Variants in ANO10 observed in about 807,000 individuals in gnomAD.
The protein encoded by ANO10 is anoctamin-10.
In ANO10, 77 loss-of-function variants were observed where a neutral mutation model predicts 74.7. That is an observed-to-expected ratio of 1.03 (90% CI 0.86 to 1.25). The LOEUF is 1.25. ANO10 is among the 50% of genes most tolerant of loss of function. ANO10 has a pLI of 0.00. For missense variants in ANO10, 721 were observed against 778.1 expected (o/e 0.93, Z 0.87); for synonymous variants, 279 against 284.9 (o/e 0.98, Z 0.21).
intron 1 of ANO10, among the ~76,000 whole-genome samples, chr3:43,667,252 A>G (rs919372670): frequency 6.6e-6 from 1 of 151,570 alleles, no homozygotes; most frequent in Non-Finnish European, 1.5e-5. Context: ...CACCATGCCC[A>G]GCTAATTTTT....
chr3:43,638,606 A>C (rs2083637384), intron 1 of ANO10: 4 of 152,236 alleles, frequency 2.6e-5, no homozygotes, highest in Non-Finnish European at 5.9e-5. Flanking sequence ...GCCAGAGAGC[A>C]GCTAGAGGTT....
chr3:43,591,262 G>A (rs551587689), intron 4 of ANO10, among the ~76,000 whole-genome samples: 8 of 152,286 alleles, frequency 5.3e-5, no homozygotes, highest in Admixed American at 1.3e-4. Context: ...CAGGGTGTCC[G>A]CTGCGCTTCT....
chr3:43,492,576 A>G (rs185935852), intron 11 of ANO10, among the ~76,000 whole-genome samples: 69 of 152,344 alleles, frequency 4.5e-4, no homozygotes, highest in Admixed American at 3.7e-3. Context: ...TCTACAAAGA[A>G]CTTAAATTTA....
intron 4 of ANO10, among the ~76,000 whole-genome samples, chr3:43,591,731 G>T (rs906392884): frequency 4.6e-5 from 7 of 152,200 alleles, no homozygotes; most frequent in African/African-American, 1.7e-4. Context: ...TCATCTCACT[G>T]GGGCTCGTTG....
intron 11 of ANO10, among the ~76,000 whole-genome samples, chr3:43,455,036 G>C (rs1237414067): frequency 6.6e-6 from 1 of 152,154 alleles, no homozygotes; most frequent in Non-Finnish European, 1.5e-5. Flanking sequence ...TGTCCCTCAT[G>C]GGGCGCAGAT....
At chr3:43,489,118 A>G (rs2076616921) in intron 11 of ANO10, among the ~76,000 whole-genome samples, 1 of 145,436 alleles carries the variant, frequency 6.9e-6, no homozygotes, top group African/African-American at 2.5e-5. Flanking sequence ...GGAATTGAAC[A>G]ATGAGATCAC....
intron 1 of ANO10, chr3:43,691,077 C>T (rs1270270205): frequency 1.3e-6 from 2 of 1,512,072 alleles, no homozygotes; most frequent in Non-Finnish European, 8.9e-7. Flanking sequence ...GTGTCTCCGG[C>T]GCGCACCCTC....
At chr3:43,447,879 A>C (rs1267777729) in intron 11 of ANO10, among the ~76,000 whole-genome samples, 2 of 152,210 alleles carry the variant, frequency 1.3e-5, no homozygotes, top group East Asian at 3.9e-4. Flanking sequence ...CATAGTTTAC[A>C]TTAGGGTTCA....
At chr3:43,618,958 T>A (rs1013789767) in intron 1 of ANO10, among the ~76,000 whole-genome samples, 6 of 152,178 alleles carry the variant, frequency 3.9e-5, no homozygotes, top group African/African-American at 1.4e-4. Flanking sequence ...TCCGCCACCA[T>A]GCTCGGCTAA....
chr3:43,413,739 AC>A (rs1243993754), intron 12 of ANO10, among the ~76,000 whole-genome samples: 1 of 150,772 alleles, frequency 6.6e-6, no homozygotes, highest in Admixed American at 6.6e-5. Context: ...ACAGCGGCAG[AC>A]CGTTTTCTTC....
At chr3:43,560,059 A>G (rs2079952920) in intron 9 of ANO10, among the ~76,000 whole-genome samples, 1 of 152,218 alleles carries the variant, frequency 6.6e-6, no homozygotes, top group Non-Finnish European at 1.5e-5. Flanking sequence ...GAGAACCAAG[A>G]GCACCCTCTC....
intron 1 of ANO10, among the ~76,000 whole-genome samples, chr3:43,665,110 G>A (rs2083973754): frequency 6.6e-6 from 1 of 152,166 alleles, no homozygotes; most frequent in South Asian, 2.1e-4. Flanking sequence ...CAATAGCAAA[G>A]ACTTGGAACC....
rs1022215776 is a variant in ANO10, at chr3:43,549,764, G to T, written c.1753C>A (p.Pro585Thr). ...AAAATGAGGTCTGCTTTTGATTCTG[G>T]AAAGACTGCATTCACTTGTGGTGAC... ...GMSPQVNAVF[P>T]ESKADLILIV... The change falls in exon 11 of 13, where the codon CCA becomes ACA. Residue 585 changes from proline (P) to threonine (T), a missense_variant. Transcript: ENST00000292246. The T allele has an allele frequency of 6.2e-7, 1 of 1,613,820 alleles. No homozygotes were observed. Among genetic ancestry groups the T allele is most frequent in the Admixed American group, 1.7e-5 (1 of 59,978 alleles).
intron 12 of ANO10, among the ~76,000 whole-genome samples, chr3:43,370,702 AT>A (rs2091578467): frequency 6.6e-6 from 1 of 152,216 alleles, no homozygotes; most frequent in South Asian, 2.1e-4. Flanking sequence ...ACAGAATGGA[AT>A]TTTCCCCTAA....
chr3:43,480,710 T>C (rs1042620558), intron 11 of ANO10, among the ~76,000 whole-genome samples: 11 of 152,194 alleles, frequency 7.2e-5, no homozygotes, highest in Non-Finnish European at 1.3e-4. Flanking sequence ...AGTCTGGAGG[T>C]GAACTGCCCA....
chr3:43,675,349 C>A (rs1328917909), intron 1 of ANO10, among the ~76,000 whole-genome samples: 1 of 152,016 alleles, frequency 6.6e-6, no homozygotes, highest in Admixed American at 6.6e-5. Flanking sequence ...GACTTGATAG[C>A]AAAAGCATAA....
intron 12 of ANO10, among the ~76,000 whole-genome samples, chr3:43,391,657 T>C (rs2092277498): frequency 6.6e-6 from 1 of 152,174 alleles, no homozygotes; most frequent in Non-Finnish European, 1.5e-5. Context: ...CCTTCGCTCA[T>C]TTGCTAGCTG....
In ANO10 at chr3:43,628,781, C is replaced by T. The variant is rs945252224; in HGVS notation, c.-11-22918G>A. Reference sequence around the variant, plus strand: ...TGAAATAGACCCCAGTCTCCCATAGCGCTCCCAGGCTCATTTGGAAGAGGA... The same window carrying T: ...TGAAATAGACCCCAGTCTCCCATAGTGCTCCCAGGCTCATTTGGAAGAGGA... On this transcript the variant is annotated intron_variant, in intron 1 of 3. Transcript: ENST00000413397. Among the ~76,000 whole-genome samples, 3 of 152,118 alleles carry T rather than the reference C, an allele frequency of 2.0e-5. 1 individual carries two copies. Among genetic ancestry groups the T allele is most frequent in the Admixed American group, 1.3e-4 (2 of 15,268 alleles).
At chr3:43,571,650 A>G (rs935019412) in intron 7 of ANO10, among the ~76,000 whole-genome samples, 1 of 150,498 alleles carries the variant, frequency 6.6e-6, no homozygotes, top group Non-Finnish European at 1.5e-5. Context: ...TCACATGGAC[A>G]CAGGAAGGGG....
Sources: allele counts gnomAD v4.1 joint callset (sites outside exome capture counted in the v4.1 genomes callset), GRCh38; gene constraint gnomAD v4.1.1; transcripts MANE v1.5; gene names NCBI Gene and HGNC (gene_info 2026-07-23, HGNC 2026-07-21).